Variants in COL4A4 observed in about 807,000 individuals in gnomAD.
The protein encoded by COL4A4 is collagen alpha-4(IV) chain.
A neutral mutation model predicts 192.9 loss-of-function variants in COL4A4; 105 were observed. That is an observed-to-expected ratio of 0.54 (90% CI 0.46 to 0.64). The LOEUF (loss-of-function observed/expected upper bound fraction) is 0.64. Among genes scored for constraint, COL4A4 ranks in the 30% least tolerant of loss-of-function variants. The pLI is 0.00. For synonymous variants in COL4A4, 762 were observed against 769.9 expected (o/e 0.99, Z 0.17); for missense variants, 1,967 against 2,169.3 (o/e 0.91, Z 1.85).
At chr2:227,127,201 T>C (rs2062140313) in intron 4 of COL4A4, among the ~76,000 whole-genome samples, 1 of 152,242 alleles carries the variant, frequency 6.6e-6, no homozygotes, top group Non-Finnish European at 1.5e-5. Flanking sequence ...CGCATGCAAC[T>C]GCCTCTGCAG....
chr2:227,140,500 T>A lies in COL4A4; in HGVS notation c.115-262A>T, dbSNP rs113783184. 0.014 allele frequency among the ~76,000 whole-genome samples: 2,154 copies of A among 152,348 alleles called. 26 individuals carry two copies. The highest frequency in any genetic ancestry group is 0.024 in the Middle Eastern group (7 of 294). On this transcript the variant is annotated intron_variant, in intron 3 of 47. Coordinates refer to ENST00000396625, the MANE Select transcript of COL4A4 (RefSeq NM_000092.5). Reference sequence around the variant, plus strand: ...AGTCGTTTGGCTTTAACTGGAATCTTCTGCAGTTTCTCCCTTTCGGTAAGA... The same window carrying A: ...AGTCGTTTGGCTTTAACTGGAATCTACTGCAGTTTCTCCCTTTCGGTAAGA...
intron 37 of COL4A4, among the ~76,000 whole-genome samples, chr2:227,035,401 ATTC>A (rs957255329): frequency 5.9e-5 from 9 of 152,118 alleles, no homozygotes; most frequent in Non-Finnish European, 1.0e-4. Flanking sequence ...TCCTCTGTGT[ATTC>A]TTATTAGAAG....
In COL4A4 at chr2:227,073,597, A is replaced by G. The variant is rs57762799; in HGVS notation, c.1987+4297T>C. Among the ~76,000 whole-genome samples, 402 of 152,242 alleles carry G rather than the reference A, an allele frequency of 2.6e-3. 1 individual carries two copies. Among genetic ancestry groups the G allele is most frequent in the African/African-American group, 9.0e-3 (373 of 41,580 alleles). ...AGCCTGAATAGACAAAGCAATCCTA[A>G]GCAAAAAAGAACAAATCTGGAGACA... On this transcript the variant is annotated intron_variant, in intron 25 of 47. Coordinates refer to ENST00000396625, the MANE Select transcript of COL4A4 (RefSeq NM_000092.5).
rs1971800678 is a variant in COL4A4, at chr2:227,043,170, A to T, written c.3304T>A (p.Ser1102Thr). The T allele has an allele frequency of 6.2e-7, 1 of 1,614,012 alleles. No homozygotes were observed. The highest frequency in any genetic ancestry group is 1.3e-5 in the African/African-American group (1 of 75,042). The stretch of plus-strand genomic sequence containing the variant: ...ATACCAGGCAAGCCCTGCTCTCCGG[A>T]TGCTCCAAAATGCCCTAAAGAAGGA... ...SPGCPGHFGA[S>T]GEQGLPGIQG... The change falls in exon 36 of 48, where the codon TCC (serine) becomes ACC (threonine). Residue 1102 changes from serine (S) to threonine (T), a missense_variant. Coordinates refer to ENST00000396625, the MANE Select transcript of COL4A4 (RefSeq NM_000092.5).
Position 227,007,184 on chromosome 2 carries a change from C to T in COL4A4, c.*141G>A. The T allele has an allele frequency of 8.2e-7, 1 of 1,217,182 alleles. No individual in the cohort carries two copies. Among genetic ancestry groups the T allele is most frequent in the Non-Finnish European group, 1.2e-6 (1 of 822,630 alleles). The allele number at this position is 1,217,182 out of a possible 1,614,324, so 75.4% of individuals were successfully genotyped here. ...TTAATGTGTAAGGAACCAGAGGACT[C>T]TGGGAATAACCACGACAAAACAGAA... On this transcript the variant is annotated 3_prime_UTR_variant, in exon 48 of 48. Transcript: ENST00000396625.
intron 45 of COL4A4, among the ~76,000 whole-genome samples, chr2:227,011,351 G>A (rs1367561503): frequency 6.6e-6 from 1 of 152,212 alleles, no homozygotes; most frequent in African/African-American, 2.4e-5. Flanking sequence ...GCCTGCTCGT[G>A]TGTTTTGACC....
chr2:227,145,398 G>A (rs560380961), intron 2 of COL4A4, among the ~76,000 whole-genome samples: 1 of 152,316 alleles, frequency 6.6e-6, no homozygotes, highest in East Asian at 1.9e-4. Context: ...AGTGAGCCGA[G>A]ATCGTGCCAC....
chr2:227,035,279 C>A (rs980278692), intron 37 of COL4A4, among the ~76,000 whole-genome samples: 15 of 152,084 alleles, frequency 9.9e-5, no homozygotes, highest in Admixed American at 2.0e-4. Flanking sequence ...ATTTGTATGC[C>A]ATATCTTTCT....
chr2:227,159,577 T>C (rs915363316), intron 1 of COL4A4, among the ~76,000 whole-genome samples: 3 of 152,232 alleles, frequency 2.0e-5, no homozygotes, highest in Non-Finnish European at 4.4e-5. Flanking sequence ...ATAATCCCCA[T>C]ATGTCATGGG....
intron 7 of COL4A4, among the ~76,000 whole-genome samples, chr2:227,115,127 A>G (rs1289955783): frequency 6.6e-6 from 1 of 152,174 alleles, no homozygotes; most frequent in Non-Finnish European, 1.5e-5. Flanking sequence ...TTTTAAAAAC[A>G]TAACATGTTC....
intron 2 of COL4A4, among the ~76,000 whole-genome samples, chr2:227,145,331 C>G (rs1413621342): frequency 6.6e-6 from 1 of 152,172 alleles, no homozygotes; most frequent in Admixed American, 6.5e-5. Flanking sequence ...CCTGTAACCC[C>G]AGCTACTCCG....
At chr2:227,029,091 T>G (rs1389093217) in intron 41 of COL4A4, among the ~76,000 whole-genome samples, 1 of 152,242 alleles carries the variant, frequency 6.6e-6, no homozygotes, top group Non-Finnish European at 1.5e-5. Context: ...CTCTTTATAG[T>G]GAAGCACTGT....
At chr2:227,073,621 C>T (rs1017040656) in intron 25 of COL4A4, among the ~76,000 whole-genome samples, 2 of 152,036 alleles carry the variant, frequency 1.3e-5, no homozygotes, top group Non-Finnish European at 2.9e-5. Context: ...AATCTGGAGA[C>T]ATCACATTAC....
In COL4A4 at chr2:227,095,890, C is replaced by T. The variant is rs185754344; in HGVS notation, c.1205-1601G>A. Among the ~76,000 whole-genome samples the T allele has an allele frequency of 1.9e-3, 289 of 152,126 alleles. 1 individual carries two copies. The highest frequency in any genetic ancestry group is 6.6e-3 in the African/African-American group (272 of 41,502). On this transcript the variant is annotated intron_variant, in intron 19 of 47. Transcript: ENST00000396625. ...TGCACTCTAGCCTAGGCAACAAGAG[C>T]GAAGCTCCATCTCAAAAAGAAACAA...
chr2:226,973,973 T>A, the COL4A4 span, among the ~76,000 whole-genome samples: 2 of 152,164 alleles, frequency 1.3e-5, no homozygotes, highest in Non-Finnish European at 2.9e-5. Context: ...TGCAATGAGC[T>A]TGAGGGTTTT....
chr2:227,034,347 G>A (rs1969096153), intron 37 of COL4A4, among the ~76,000 whole-genome samples: 1 of 152,130 alleles, frequency 6.6e-6, no homozygotes, highest in South Asian at 2.1e-4. Flanking sequence ...GGTAAAGTTG[G>A]AGGAGGAGAG....
At position 227,010,340 on chromosome 2, in the gene COL4A4, G is replaced by T; in HGVS notation, c.4495C>A (p.Gln1499Lys). 6.2e-7 allele frequency: 1 copy of T among 1,614,212 alleles called. No homozygotes were observed. The highest frequency in any genetic ancestry group is 8.5e-7 in the Non-Finnish European group (1 of 1,180,034). The change falls in exon 46 of 48, where the codon CAA (glutamine) becomes AAA (lysine). Residue 1499 changes from glutamine to lysine, a missense_variant. Physicochemically the swap from Gln to Lys is moderately conservative, Grantham distance 53. Coordinates refer to ENST00000396625, the MANE Select transcript of COL4A4 (RefSeq NM_000092.5). Reference protein sequence around the residue: ...TGYSLLYLEGQEKAHNQDLGL... With the variant: ...TGYSLLYLEGKEKAHNQDLGL... ...AGGTCTTGATTGTGAGCTTTCTCTT[G>T]CCCTTCCAGGTATAACAGACTATAC...
At chr2:227,097,273 C>T (rs1317776952) in intron 19 of COL4A4, among the ~76,000 whole-genome samples, 3 of 152,232 alleles carry the variant, frequency 2.0e-5, no homozygotes, top group East Asian at 3.9e-4. Context: ...TAAGTTGTGA[C>T]AGCATTAAAT....
intron 20 of COL4A4, among the ~76,000 whole-genome samples, chr2:227,093,213 A>G (rs2060030780): frequency 6.6e-6 from 1 of 152,106 alleles, no homozygotes; most frequent in Admixed American, 6.6e-5. Flanking sequence ...CTTTGAAAGA[A>G]TTTACTTATA....
Sources: allele counts gnomAD v4.1 joint callset (sites outside exome capture counted in the v4.1 genomes callset), GRCh38; gene constraint gnomAD v4.1.1; transcripts MANE v1.5; gene names NCBI Gene and HGNC (gene_info 2026-07-23, HGNC 2026-07-21).